NLRP2: variants seen among roughly 807,000 people sequenced by gnomAD.
NLRP2 encodes NLR family pyrin domain containing 2.
A neutral mutation model predicts 97.2 loss-of-function variants in NLRP2; 107 were observed. That is an observed-to-expected ratio of 1.10 (90% CI 0.94 to 1.29). The LOEUF (loss-of-function observed/expected upper bound fraction) is 1.29, where lower values mean the gene tolerates loss of function less well. Ranked by LOEUF, NLRP2 falls within the 50% of genes most tolerant of loss-of-function variation. The probability of loss-of-function intolerance (pLI) is 0.00; values close to 1 mark genes in which losing one functional copy is unlikely to be tolerated. For synonymous variants in NLRP2, 663 were observed against 551.5 expected, an observed-to-expected ratio of 1.20 and a Z score of -2.83; for missense variants, 1,495 against 1,330.3, an observed-to-expected ratio of 1.12 and a Z score of -1.93.
chr19:54,981,533 A>ACC, intron 4 of NLRP2, 84 bp from the exon 5 acceptor site: 1 of 190,382 alleles, frequency 5.3e-6, no homozygotes, highest in Non-Finnish European at 1.1e-5. Context: ...CCGCCCCATC[A>ACC]GCCTGCCTCC....
intron 1 of NLRP2, 109 bp downstream of exon 1, chr19:54,966,576 C>G (rs1371928064): frequency 6.6e-6 from 1 of 152,156 alleles, no homozygotes; most frequent in Non-Finnish European, 1.5e-5. Context: ...GACGGAGTCT[C>G]GCTCTGTCGC....
chr19:54,970,389 G>C, intron 2 of NLRP2, 94 bp downstream of exon 2: 2 of 1,466,466 alleles, frequency 1.4e-6, no homozygotes, highest in Non-Finnish European at 1.9e-6. Context: ...GCTGGCTCAC[G>C]CCTGTCGTCC....
chr19:54,984,670 A>G (rs183619694), intron 6 of NLRP2, among the ~76,000 whole-genome samples: 30 of 151,122 alleles, frequency 2.0e-4, no homozygotes, highest in Non-Finnish European at 1.0e-4. Context: ...TTTAGTAGAG[A>G]CGGGGTTTCA....
At chr19:54,986,620 G>A (rs2072108244) in intron 8 of NLRP2, among the ~76,000 whole-genome samples, 1 of 150,622 alleles carries the variant, frequency 6.6e-6, no homozygotes, top group Non-Finnish European at 1.5e-5. Context: ...GCACGATCTT[G>A]GCTCACTGCA....
chr19:54,994,095 T>C, intron 10 of NLRP2, 174 bp from the exon 11 acceptor site: 1 of 724,054 alleles, frequency 1.4e-6, no homozygotes, highest in Non-Finnish European at 2.4e-6. Context: ...GAGTTGGGAC[T>C]TGGACATCTT....
intron 10 of NLRP2, among the ~76,000 whole-genome samples, chr19:54,992,556 C>CT (rs71181721): frequency 0.031 from 2,580 of 82,352 alleles, 50 homozygotes; most frequent in South Asian, 0.051. Flanking sequence ...GGGGGGTTTT[C>CT]TTTTTTTTTT....
chr19:54,983,118 G>C lies in NLRP2; in HGVS notation c.1420G>C (p.Gly474Arg). The change falls in exon 6 of 13, where the codon GGG (glycine) becomes CGG (arginine). Residue 474 changes from glycine (G) to arginine (R), a missense_variant. By Grantham distance (125) the Gly-to-Arg change is moderately radical (BLOSUM62 -2). Transcript: ENST00000448584. ...TCACCGAGAGGATCTGGAAAGGCTC[G>C]GGGTGCAGGAGTCCGACCTCCGTCT... Reference protein sequence around the residue: ...VLHREDLERLGVQESDLRLFL... With the variant: ...VLHREDLERLRVQESDLRLFL... 1 of 1,613,550 alleles carries C rather than the reference G, an allele frequency of 6.2e-7. No homozygotes were observed. The highest frequency in any genetic ancestry group is 8.5e-7 in the Non-Finnish European group (1 of 1,179,934).
intron 3 of NLRP2, among the ~76,000 whole-genome samples, chr19:54,975,116 T>TTTTTTG: frequency 5.2e-5 from 1 of 19,306 alleles, no homozygotes; most frequent in Non-Finnish European, 8.3e-5. Flanking sequence ...GTTTTTTTTT[T>TTTTTTG]TTTTTTTTTT....
rs774641068 is a variant in NLRP2, at chr19:54,997,341, G to C, written c.2904G>C (p.Pro968=). The C allele has an allele frequency of 2.5e-6, 4 of 1,613,818 alleles. No homozygotes were observed. Among genetic ancestry groups the C allele is most frequent in the Non-Finnish European group, 8.5e-7 (1 of 1,180,038 alleles). Reference sequence around the variant, plus strand: ...GGTTGTGGGGATGTTCCATCCCTCCGTTCAGTTGTGAAGACCTCTGCTCTG... The same window carrying C: ...GGTTGTGGGGATGTTCCATCCCTCCCTTCAGTTGTGAAGACCTCTGCTCTG... ...CLWLWGCSIP[P]FSCEDLCSAL... is the part of the protein sequence containing the mutation. The change falls in exon 12 of 13, where the codon CCG becomes CCC. Residue 968 remains proline (P), a synonymous_variant. Transcript: ENST00000448584.
Position 54,983,142 on chromosome 19 carries a change from CTGTT to C in NLRP2, c.1445_1448del (p.Leu482ProfsTer60), listed in dbSNP as rs2071746074. 1 of 1,613,820 alleles carries C rather than the reference CTGTT, an allele frequency of 6.2e-7. No homozygotes were observed. Among genetic ancestry groups the C allele is most frequent in the East Asian group, 2.2e-5 (1 of 44,880 alleles). ...CGGGGTGCAGGAGTCCGACCTCCGT[CTGTT>C]CCTGGACGGAGACATCCTCCGCCAG... On this transcript the variant is annotated frameshift_variant, in exon 6 of 13. Coordinates refer to ENST00000448584, the MANE Select transcript of NLRP2 (RefSeq NM_017852.5). LOFTEE classifies it high-confidence loss of function.
intron 2 of NLRP2, among the ~76,000 whole-genome samples, chr19:54,971,266 A>G (rs1211655767): frequency 6.7e-6 from 1 of 149,798 alleles, no homozygotes; most frequent in Non-Finnish European, 1.5e-5. Context: ...ATTGTGAATA[A>G]TGCTGCAATA....
intron 6 of NLRP2, among the ~76,000 whole-genome samples, chr19:54,984,795 C>G (rs2071941047): frequency 6.6e-6 from 1 of 151,926 alleles, no homozygotes; most frequent in South Asian, 2.1e-4. Flanking sequence ...TATTCTCTAT[C>G]TTTTATCAAT....
rs112972312 is a variant in NLRP2, at chr19:54,978,103, G to T, written c.397+280G>T. On this transcript the variant is annotated intron_variant, in intron 4 of 12. Transcript: ENST00000448584. ...TTTGAGACAGTTTCTCTGTTGGCCA[G>T]GTTGGAATGCAATGGCGCGATCTCG... Among the ~76,000 whole-genome samples, 955 of 152,212 alleles carry T rather than the reference G, an allele frequency of 6.3e-3. 13 individuals carry two copies. Among genetic ancestry groups the T allele is most frequent in the African/African-American group, 0.022 (908 of 41,554 alleles).
At chr19:54,998,727 C>T (rs2073004439) in intron 12 of NLRP2, among the ~76,000 whole-genome samples, 1 of 138,656 alleles carries the variant, frequency 7.2e-6, no homozygotes, top group African/African-American at 2.7e-5. Flanking sequence ...GGAAGGTCAG[C>T]AGATAAACAA....
chr19:54,974,348 CA>C (rs199842759), intron 2 of NLRP2, 151 bp from the exon 3 acceptor site: 6,201 of 556,896 alleles, frequency 0.011, no homozygotes, highest in South Asian at 0.012. Flanking sequence ...CACTCTGTCT[CA>C]AAAAAAAAAG....
intron 10 of NLRP2, chr19:54,991,435 C>G (rs1375186721): frequency 4.6e-5 from 7 of 152,146 alleles, no homozygotes; most frequent in African/African-American, 2.4e-5. Context: ...TGCCTGTAAT[C>G]CCAGTTACTC....
chr19:54,969,927 G>A (rs1441652174), intron 1 of NLRP2, 72 bp from the exon 2 acceptor site: 4 of 1,462,478 alleles, frequency 2.7e-6, no homozygotes, highest in Non-Finnish European at 3.8e-6. Context: ...TCGTGGCACA[G>A]CAGGAACTGG....
chr19:54,996,283 C>G (rs1331969204), intron 11 of NLRP2, among the ~76,000 whole-genome samples: 2 of 151,896 alleles, frequency 1.3e-5, no homozygotes, highest in South Asian at 2.1e-4. Flanking sequence ...GGTGGATCAC[C>G]TAAGGTCAGG....
At chr19:54,995,622 GC>G (rs1416601341) in intron 11 of NLRP2, among the ~76,000 whole-genome samples, 1 of 151,958 alleles carries the variant, frequency 6.6e-6, no homozygotes, top group East Asian at 2.0e-4. Context: ...TAGATATCGT[GC>G]CAGAAAATGC....
Sources: allele counts gnomAD v4.1 joint callset (sites outside exome capture counted in the v4.1 genomes callset), GRCh38; gene constraint gnomAD v4.1.1; transcripts MANE v1.5; gene names NCBI Gene and HGNC (gene_info 2026-07-23, HGNC 2026-07-21).